Variants in FBXO3 observed in about 807,000 individuals in gnomAD.
FBXO3 encodes the protein F-box only protein 3.
A neutral mutation model predicts 64.8 loss-of-function variants in FBXO3; 17 were observed. That is an observed-to-expected ratio of 0.26 (90% CI 0.18 to 0.39). FBXO3 has a LOEUF of 0.39. FBXO3 is among the 10% of genes least tolerant of loss of function. FBXO3 has a pLI of 1.00. For missense variants in FBXO3, 420 were observed against 589.9 expected, an observed-to-expected ratio of 0.71 and a Z score of 2.98; for synonymous variants, 182 against 201.6, an observed-to-expected ratio of 0.90 and a Z score of 0.82.
At chr11:33,758,228 T>C (rs1304430320) in intron 4 of FBXO3, among the ~76,000 whole-genome samples, 1 of 152,124 alleles carries the variant, frequency 6.6e-6, no homozygotes, top group Admixed American at 6.5e-5. Flanking sequence ...TTACTGTATG[T>C]CCCATCCCCC....
At chr11:33,768,132 T>C (rs185168112) in intron 3 of FBXO3, among the ~76,000 whole-genome samples, 25 of 151,790 alleles carry the variant, frequency 1.6e-4, no homozygotes, top group African/African-American at 6.1e-4. Flanking sequence ...CGAACATCTA[T>C]ACAATGCCTT....
At chr11:33,769,766 C>G (rs1019797210) in intron 2 of FBXO3, among the ~76,000 whole-genome samples, 1 of 149,876 alleles carries the variant, frequency 6.7e-6, no homozygotes, top group African/African-American at 2.5e-5. Context: ...TAATTCTGAT[C>G]TGGATGCCTG....
Position 33,768,938 on chromosome 11 carries a change from C to T in FBXO3, c.271G>A (p.Asp91Asn), listed in dbSNP as rs1038703380. ...DTYSDVGRYI[D>N]HYAAIKKAWD... is the part of the protein sequence containing the mutation. ...GCCTTTTTAATAGCAGCATAATGGT[C>T]AATGTATCTTCCTACATCAGAGTAA... Residue 91 changes from aspartate (D) to asparagine (N), a missense_variant, in exon 3 of 11, where the codon GAC becomes AAC. Coordinates refer to ENST00000265651, the MANE Select transcript of FBXO3 (RefSeq NM_012175.4). 2 of 1,613,948 alleles carry T rather than the reference C, an allele frequency of 1.2e-6. No individual in the cohort carries two copies. Among genetic ancestry groups the T allele is most frequent in the Non-Finnish European group, 1.7e-6 (2 of 1,179,850 alleles).
At chr11:33,748,939 T>C (rs746788969) in intron 8 of FBXO3, 47 bp from the exon 9 acceptor site, 1 of 1,332,998 alleles carries the variant, frequency 7.5e-7, no homozygotes, top group Non-Finnish European at 1.1e-6. Flanking sequence ...GGCTTCTTTG[T>C]TTCTTTGGTT....
intron 10 of FBXO3, chr11:33,745,645 C>T (rs1854797083): frequency 6.6e-6 from 1 of 152,020 alleles, no homozygotes; most frequent in African/African-American, 2.4e-5. Context: ...TTCATGAAAA[C>T]ACATCAAAAC....
At chr11:33,742,951 T>G (rs2133588987) in intron 10 of FBXO3, 1 of 152,244 alleles carries the variant, frequency 6.6e-6, no homozygotes, top group Non-Finnish European at 1.5e-5. Context: ...CTCACGAGCT[T>G]CTTCATTCAC....
chr11:33,774,049 C>T, intron 1 of FBXO3: 1 of 287,516 alleles, frequency 3.5e-6, no homozygotes, highest in Non-Finnish European at 6.7e-6. Context: ...TGACCCCAAC[C>T]GGGCGGGCAC....
At chr11:33,768,829 A>G in intron 3 of FBXO3, 22 bp downstream of exon 3, 1 of 1,613,696 alleles carries the variant, frequency 6.2e-7, no homozygotes, top group Non-Finnish European at 8.5e-7. Flanking sequence ...AAACGGGGAA[A>G]GGGACCCTGA....
rs777922659 is a variant in FBXO3 at position 33,770,792 on chromosome 11, C to T, written c.143G>A (p.Ser48Asn). Residue 48 changes from serine (S) to asparagine (N), a missense_variant, in exon 2 of 11, where the codon AGT becomes AAT. By Grantham distance (46) the Ser-to-Asn change is conservative. This residue lies in a region of FBXO3 where 337 missense variants were observed against 518.4 expected (regional missense o/e 0.65). Coordinates refer to ENST00000265651, the MANE Select transcript of FBXO3 (RefSeq NM_012175.4). ...ATGTCTTCTCCACAGCGGATCATGA[C>T]TTGATAGCTGGCTAAGTCTTCGACT... ...YVSRRLSQLS[S>N]HDPLWRRHCK... 3.8e-5 allele frequency: 62 copies of T among 1,610,920 alleles called. No individual in the cohort carries two copies. Among genetic ancestry groups the T allele is most frequent in the Non-Finnish European group, 5.3e-5 (62 of 1,177,804 alleles).
At chr11:33,767,456 C>T (rs980428454) in intron 3 of FBXO3, among the ~76,000 whole-genome samples, 4 of 152,200 alleles carry the variant, frequency 2.6e-5, no homozygotes, top group Admixed American at 1.3e-4. Flanking sequence ...CATGCCACCA[C>T]GCCTGGCTAA....
At chr11:33,754,585 G>A (rs1006941552) in intron 5 of FBXO3, 85 bp from the exon 6 acceptor site, 20 of 1,139,152 alleles carry the variant, frequency 1.8e-5, no homozygotes, top group Middle Eastern at 2.1e-4. Context: ...CCCTGGAGAC[G>A]AGGCAAAACA....
chr11:33,741,956 TCTC>T lies in FBXO3; in HGVS notation c.1365_1367del (p.Arg456del), dbSNP rs1854695900. ...GTCTGCGAATGGGAACATCAAAGACTCTCCTCCGTCTCTCCTCTTCATCATCTT... is the reference window on the plus strand; with the variant it reads ...GTCTGCGAATGGGAACATCAAAGACTCTCCGTCTCTCCTCTTCATCATCTT... On this transcript the variant is annotated inframe_deletion, in exon 11 of 11. Transcript: ENST00000265651. 1 of 1,613,772 alleles carries T rather than the reference TCTC, an allele frequency of 6.2e-7. No individual in the cohort carries two copies.
intron 8 of FBXO3, 70 bp from the exon 9 acceptor site, chr11:33,748,962 T>A: frequency 1.0e-6 from 1 of 1,000,334 alleles, no homozygotes; most frequent in Non-Finnish European, 1.5e-6. Context: ...AGAGATACAG[T>A]ATTCAGGCTA....
Position 33,755,789 on chromosome 11 carries a change from T to G in FBXO3, c.660A>C (p.Glu220Asp). ...TACTTACTGGACATTGGTAGAAAAC[T>G]TCATTTTTGTTTCGGCCCTCTGCAG... ...VEAAEGRNKN[E>D]VFYQCPDQMA... Residue 220 changes from glutamate (E) to aspartate (D), a missense_variant, in exon 5 of 11, where the codon GAA becomes GAC. Around this residue, in one of 3 missense-constraint regions of FBXO3, gnomAD observed 337 missense variants for 518.4 expected, o/e 0.65. Transcript: ENST00000265651. 6.2e-7 allele frequency: 1 copy of G among 1,613,946 alleles called. No individual in the cohort carries two copies. Among genetic ancestry groups the G allele is most frequent in the Non-Finnish European group, 8.5e-7 (1 of 1,179,930 alleles).
intron 9 of FBXO3, among the ~76,000 whole-genome samples, chr11:33,748,126 C>T (rs1316735093): frequency 6.6e-6 from 1 of 152,024 alleles, no homozygotes; most frequent in African/African-American, 2.4e-5. Context: ...GACCAAATGG[C>T]AGAAAAAGAA....
intron 2 of FBXO3, 51 bp from the exon 3 acceptor site, chr11:33,769,065 A>T: frequency 3.4e-6 from 5 of 1,452,812 alleles, no homozygotes; most frequent in Non-Finnish European, 4.7e-6. Flanking sequence ...TAATATTAGC[A>T]TTTATTTTAG....
At chr11:33,752,584 T>G (rs1854989253) in intron 6 of FBXO3, among the ~76,000 whole-genome samples, 1 of 152,188 alleles carries the variant, frequency 6.6e-6, no homozygotes, top group Non-Finnish European at 1.5e-5. Flanking sequence ...AGGCATCAAC[T>G]GAGAGAAGGC....
intron 10 of FBXO3, 179 bp downstream of exon 10, chr11:33,746,951 A>C (rs1034652518): frequency 2.2e-5 from 32 of 1,456,716 alleles, no homozygotes; most frequent in Non-Finnish European, 2.8e-5. Flanking sequence ...GTTAGAGACT[A>C]TGGAGCCTCA....
chr11:33,773,095 T>C (rs1210983652), intron 1 of FBXO3: 1 of 152,054 alleles, frequency 6.6e-6, no homozygotes, highest in African/African-American at 2.4e-5. Context: ...AAATAAGTCC[T>C]GGAGGACCTT....
Sources: gnomAD v4.1 joint callset for allele counts (sites outside exome capture counted in the v4.1 genomes callset) on GRCh38, gnomAD v4.1.1 for gene constraint, gnomAD v4.1.1 regional missense constraint, MANE v1.5 for transcripts, NCBI Gene and HGNC (gene_info 2026-07-23, HGNC 2026-07-21) for gene names.